TTN: variants seen among roughly 807,000 people sequenced by gnomAD.
TTN encodes the protein connectin.
A neutral mutation model predicts 3,223.0 loss-of-function variants in TTN; 1,525 were observed. The observed-to-expected ratio is 0.47, with a 90% confidence interval of 0.45 to 0.49. The LOEUF is 0.49. Ranked by LOEUF, TTN falls within the 20% of genes least tolerant of loss-of-function variation. The pLI, the probability that TTN is intolerant of heterozygous loss-of-function variation, is 0.00. For synonymous variants in TTN, 14,094 were observed against 15,161.0 expected (o/e 0.93, Z 5.17); for missense variants, 40,786 against 43,424.0 (o/e 0.94, Z 5.40).
chr2:178,552,637 A>G lies in TTN; in HGVS notation c.90263T>C (p.Ile30088Thr). 3 of 1,613,916 alleles carry G rather than the reference A, an allele frequency of 1.9e-6. No individual in the cohort carries two copies. Among genetic ancestry groups the G allele is most frequent in the Non-Finnish European group, 2.5e-6 (3 of 1,179,852 alleles). Residue 30088 changes from isoleucine (I) to threonine (T), a missense_variant, in exon 335 of 363, where the codon ATT (isoleucine) becomes ACT (threonine). Coordinates refer to ENST00000589042, the MANE Select transcript of TTN (RefSeq NM_001267550.2). ...SHAGISKTCE[I>T]EVSQLKEQSV... The stretch of plus-strand genomic sequence containing the variant: ...CTGCTCCTTAAGTTGGCTAACCTCA[A>G]TTTCACATGTCTTACTTATGCCAGC...
chr2:178,680,114 C>T lies in TTN; in HGVS notation c.33419-59G>A. 2.5e-6 allele frequency: 4 copies of T among 1,596,256 alleles called. No homozygotes were observed. The South Asian group carries it at 3.4e-5, about 14-fold the overall frequency. ...CCAATGACTCAACAAAATTAAGACA[C>T]CTTAGAAACACAGGCCCATTTATAA... On this transcript the variant is annotated intron_variant, in intron 139 of 362. Coordinates refer to ENST00000589042, the MANE Select transcript of TTN (RefSeq NM_001267550.2).
Position 178,590,141 on chromosome 2 carries a change from A to T in TTN, c.61584T>A (p.Asp20528Glu), listed in dbSNP as rs374601610. ...VREKRVDLIQ[D>E]LPRVELQIKE... The stretch of plus-strand genomic sequence containing the variant: ...TAATTTGTAACTCAACACGAGGTAG[A>T]TCCTGAATAAGGTCCACCCTCTTTT... The change falls in exon 304 of 363, where the codon GAT (aspartate) becomes GAA (glutamate). Residue 20528 changes from aspartate (D) to glutamate (E), a missense_variant. Physicochemically the swap from Asp to Glu is conservative, Grantham distance 45. Coordinates refer to ENST00000589042, the MANE Select transcript of TTN (RefSeq NM_001267550.2). 6.2e-7 allele frequency: 1 copy of T among 1,613,224 alleles called. No homozygotes were observed. Among genetic ancestry groups the T allele is most frequent in the Non-Finnish European group, 8.5e-7 (1 of 1,179,484 alleles).
rs1187195115 is a variant in TTN, at chr2:178,663,861, G to C, written c.36406C>G (p.Pro12136Ala). 81 of 1,612,470 alleles carry C rather than the reference G, an allele frequency of 5.0e-5. No individual in the cohort carries two copies. Among genetic ancestry groups the C allele is most frequent in the Non-Finnish European group, 6.2e-5 (73 of 1,179,612 alleles). Residue 12136 changes from proline (P) to alanine (A), a missense_variant, in exon 170 of 363, where the codon CCC becomes GCC. By Grantham distance (27) the Pro-to-Ala change is conservative (BLOSUM62 -1). Transcript: ENST00000589042. Reference protein sequence around the residue: ...SKEVIREEKVPLAPPKEPEVP... With the variant: ...SKEVIREEKVALAPPKEPEVP... ...TCAGGCTCTTTAGGAGGAGCCAAGG[G>C]CACTTTCTCTTCGCGGATAACCTCT...
intron 326 of TTN, chr2:178,559,000 C>T: frequency 3.3e-6 from 1 of 305,744 alleles, no homozygotes; most frequent in South Asian, 4.9e-5. Context: ...GTCATACACA[C>T]ATACTATATA....
Position 178,579,206 on chromosome 2 carries a change from A to T in TTN, c.67824T>A (p.Leu22608=). The T allele has an allele frequency of 6.2e-7, 1 of 1,613,444 alleles. No individual in the cohort carries two copies. Among genetic ancestry groups the T allele is most frequent in the Non-Finnish European group, 8.5e-7 (1 of 1,179,562 alleles). ...CAGATTTTTGGCAATCGTACACTAT[A>T]AGAGTTGTGTTAACCGCAGATGACT... is the stretch of plus-strand genomic sequence containing the variant. ...SVESSAVNTT[L]IVYDCQKSDA... The change falls in exon 320 of 363, where the codon CTT becomes CTA. Residue 22608 remains leucine, a synonymous_variant. Transcript: ENST00000589042.
At chr2:178,768,264 T>G (rs2090876003) in intron 38 of TTN, 109 bp from the exon 39 acceptor site, 1 of 1,307,556 alleles carries the variant, frequency 7.6e-7, no homozygotes, top group Non-Finnish European at 1.1e-6. Context: ...TGAATTTCCA[T>G]GTATTCATCA....
Position 178,609,222 on chromosome 2 carries a change from G to A in TTN, c.52088C>T (p.Thr17363Ile). The change falls in exon 273 of 363, where the codon ACT becomes ATT. Residue 17363 changes from threonine (T) to isoleucine (I), a missense_variant. Coordinates refer to ENST00000589042, the MANE Select transcript of TTN (RefSeq NM_001267550.2). ...NDHGIAKAPC[T>I]VSVLDTPGPP... ...TAATGACTCACCTAACACACTGACAGTACAAGGAGCTTTTGCAATACCGTG... is the reference window on the plus strand; with the variant it reads ...TAATGACTCACCTAACACACTGACAATACAAGGAGCTTTTGCAATACCGTG... 6.6e-7 allele frequency: 1 copy of A among 1,517,230 alleles called. No homozygotes were observed. Among genetic ancestry groups the A allele is most frequent in the Non-Finnish European group, 8.8e-7 (1 of 1,137,220 alleles). 94.0% of individuals were successfully genotyped at this position (1,517,230 alleles called of 1,614,324 possible).
intron 250 of TTN, chr2:178,619,094 C>G: frequency 1.8e-6 from 1 of 562,518 alleles, no homozygotes. Context: ...ACATGCATTC[C>G]TTGCCAAAAA....
chr2:178,672,243 A>G lies in TTN; in HGVS notation c.34955T>C (p.Val11652Ala). The part of the protein sequence containing the change: ...AKGRTVLEEK[V>A]SVAFRQEVVV... ...TACTTCTTGGCGGAAGGCAACTGATACTTTTTCTTCAAGGACAGTTCTCCC... is the reference window on the plus strand; with the variant it reads ...TACTTCTTGGCGGAAGGCAACTGATGCTTTTTCTTCAAGGACAGTTCTCCC... The change falls in exon 155 of 363, where the codon GTA becomes GCA. Residue 11652 changes from valine (V) to alanine (A), a missense_variant. Val to Ala is a moderately conservative substitution (Grantham distance 64). Transcript: ENST00000589042. The G allele has an allele frequency of 6.4e-7, 1 of 1,572,208 alleles. No individual in the cohort carries two copies. Among genetic ancestry groups the G allele is most frequent in the Non-Finnish European group, 8.6e-7 (1 of 1,157,898 alleles).
At position 178,564,042 on chromosome 2, in the gene TTN, C is replaced by G. The variant is rs375407842; in HGVS notation, c.82090G>C (p.Val27364Leu). The G allele has an allele frequency of 6.2e-7, 1 of 1,613,764 alleles. No individual in the cohort carries two copies. Residue 27364 changes from valine to leucine, a missense_variant, in exon 326 of 363, where the codon GTA (valine) becomes CTA (leucine). Physicochemically the swap from Val to Leu is conservative, Grantham distance 32 (BLOSUM62 1). Transcript: ENST00000589042. The part of the protein sequence containing the change: ...VGGTKSIPIT[V>L]KVLDRPGPPE... ...GGCCCTGGCCTGTCAAGTACCTTTA[C>G]AGTGATGGGTATAGACTTTGTACCA...
chr2:178,566,634 T>C lies in TTN; in HGVS notation c.79498A>G (p.Thr26500Ala), dbSNP rs1172084404. 3 of 1,612,762 alleles carry C rather than the reference T, an allele frequency of 1.9e-6. No homozygotes were observed. Among genetic ancestry groups the C allele is most frequent in the Non-Finnish European group, 2.5e-6 (3 of 1,179,666 alleles). Reference sequence around the variant, plus strand: ...CAGGCAAGTGTGATTGAATTTTTAGTGGTGTCTACAATGTGTGCATTGGTA... The same window carrying C: ...CAGGCAAGTGTGATTGAATTTTTAGCGGTGTCTACAATGTGTGCATTGGTA... Reference protein sequence around the residue: ...PPTNAHIVDTTKNSITLAWGK... With the variant: ...PPTNAHIVDTAKNSITLAWGK... Residue 26500 changes from threonine to alanine, a missense_variant, in exon 326 of 363, where the codon ACT (threonine) becomes GCT (alanine). Coordinates refer to ENST00000589042, the MANE Select transcript of TTN (RefSeq NM_001267550.2).
Position 178,599,836 on chromosome 2 carries a change from C to T in TTN, c.56065G>A (p.Asp18689Asn), listed in dbSNP as rs763814390. The T allele has an allele frequency of 3.2e-6, 5 of 1,586,748 alleles. No individual in the cohort carries two copies. In the Middle Eastern group the frequency reaches 6.7e-4, roughly 214 times the overall value. The change falls in exon 289 of 363, where the codon GAT (aspartate) becomes AAT (asparagine). Residue 18689 changes from aspartate to asparagine, a missense_variant. Transcript: ENST00000589042. ...TCAACCTCCATGAATTCTTTTAGATCAATTGATGGTGGGCCTAGATTATTT... is the reference window on the plus strand; with the variant it reads ...TCAACCTCCATGAATTCTTTTAGATTAATTGATGGTGGGCCTAGATTATTT... The part of the protein sequence containing the change: ...VKDQTCPPSI[D>N]LKEFMEVEEG...
chr2:178,539,450 G>C lies in TTN; in HGVS notation c.98615C>G (p.Ala32872Gly), dbSNP rs150288160. ...ENVEYHFRVS[A>G]ENQFGISKPL... Reference sequence around the variant, plus strand: ...TTTGCTTATGCCAAACTGGTTTTCTGCTGAAACACGGAAATGGTATTCTAC... The same window carrying C: ...TTTGCTTATGCCAAACTGGTTTTCTCCTGAAACACGGAAATGGTATTCTAC... The change falls in exon 352 of 363, where the codon GCA (alanine) becomes GGA (glycine). Residue 32872 changes from alanine to glycine, a missense_variant. Physicochemically the swap from Ala to Gly is moderately conservative, Grantham distance 60. Transcript: ENST00000589042. 38 of 1,613,816 alleles carry C rather than the reference G, an allele frequency of 2.4e-5. No individual in the cohort carries two copies. In the East Asian group the frequency reaches 8.0e-4, roughly 34 times the overall value.
Position 178,681,702 on chromosome 2 carries a change from TC to T in TTN, c.33130del (p.Glu11044LysfsTer16). The T allele has an allele frequency of 6.2e-7, 1 of 1,605,742 alleles. No individual in the cohort carries two copies. Among genetic ancestry groups the T allele is most frequent in the Non-Finnish European group, 8.5e-7 (1 of 1,177,844 alleles). ...EKPIPVKPVP[E>X]EPVPTKPKAP... ...CTTTGGTTTTGTGGGAACTGGTTCT[TC>T]TGGGACAGGCTTTACAGGGATAGGC... On this transcript the variant is annotated frameshift_variant, in exon 136 of 363. Transcript: ENST00000589042. LOFTEE classifies it high-confidence loss of function.
At position 178,598,838 on chromosome 2, in the gene TTN, C is replaced by T. The variant is rs576158850; in HGVS notation, c.56872G>A (p.Asp18958Asn). 91 of 1,613,262 alleles carry T rather than the reference C, an allele frequency of 5.6e-5. No homozygotes were observed. Among genetic ancestry groups the T allele is most frequent in the East Asian group, 1.1e-4 (5 of 44,756 alleles). ...YKVTGLIEGS[D>N]YQFRVYAINA... ...ATTGCATATACCCGGAATTGATAGT[C>T]GGAACCTTCAATAAGACCAGTCACT... The change falls in exon 291 of 363, where the codon GAC (aspartate) becomes AAC (asparagine). Residue 18958 changes from aspartate (D) to asparagine (N), a missense_variant. Physicochemically the swap from Asp to Asn is conservative, Grantham distance 23. Coordinates refer to ENST00000589042, the MANE Select transcript of TTN (RefSeq NM_001267550.2).
intron 96 of TTN, 27 bp from the exon 97 acceptor site, chr2:178,711,376 ATACTT>A: frequency 6.5e-7 from 1 of 1,535,812 alleles, no homozygotes; most frequent in Non-Finnish European, 8.8e-7. Context: ...AAAGTAACAA[ATACTT>A]TAATTTACTA....
chr2:178,707,778 TAAGGTG>T lies in TTN; in HGVS notation c.28783_28788del (p.His9595_Leu9596del). The T allele has an allele frequency of 6.2e-7, 1 of 1,612,182 alleles. No individual in the cohort carries two copies. The highest frequency in any genetic ancestry group is 8.5e-7 in the Non-Finnish European group (1 of 1,178,554). On this transcript the variant is annotated inframe_deletion, in exon 100 of 363. Coordinates refer to ENST00000589042, the MANE Select transcript of TTN (RefSeq NM_001267550.2). Reference sequence around the variant, plus strand: ...TCTCCTTCACTCACTGTTACTGGAGTAAGGTGCTGATCAAATACAGGTGGCTTCTTA... The same window carrying T: ...TCTCCTTCACTCACTGTTACTGGAGTCTGATCAAATACAGGTGGCTTCTTA...
chr2:178,711,884 C>T (rs2076709893), intron 96 of TTN, 60 bp downstream of exon 96: 1 of 1,511,384 alleles, frequency 6.6e-7, no homozygotes, highest in South Asian at 1.4e-5. Context: ...CCTCCCCAGA[C>T]ATTTTAAATC....
In TTN at chr2:178,649,752, C is replaced by T. The variant is rs72650068; in HGVS notation, c.39895+65G>A. 5.6e-3 allele frequency: 8,749 copies of T among 1,568,416 alleles called. 35 individuals are homozygous for T. The highest frequency in any genetic ancestry group is 6.9e-3 in the Middle Eastern group (41 of 5,936). On this transcript the variant is annotated intron_variant, in intron 211 of 362. Transcript: ENST00000589042. ...AACAAACATATAATACAACACAACA[C>T]ACAATAAGAAGAGTGTAAAATTGTA...
Sources: allele counts gnomAD v4.1 joint callset, GRCh38; gene constraint gnomAD v4.1.1; transcripts MANE v1.5; gene names NCBI Gene and HGNC (gene_info 2026-07-23, HGNC 2026-07-21).